The following CCDC192 variants were observed in gnomAD, a reference collection of about 807,000 sequenced individuals.
CCDC192 encodes coiled-coil domain containing 192.
chr5:127,845,695 A>G (rs928767283), intron 5 of CCDC192, among the ~76,000 whole-genome samples: 1 of 152,236 alleles, frequency 6.6e-6, no homozygotes, highest in Admixed American at 6.5e-5. Context: ...CCTTGGGTTT[A>G]AATAGATGAT....
At chr5:127,850,309 A>G (rs1750739748) in intron 5 of CCDC192, among the ~76,000 whole-genome samples, 1 of 152,218 alleles carries the variant, frequency 6.6e-6, no homozygotes, top group Non-Finnish European at 1.5e-5. Context: ...CCCCCAGAGA[A>G]AGAGTAATTT....
At chr5:127,888,386 A>C (rs1313555616) in intron 6 of CCDC192, among the ~76,000 whole-genome samples, 1 of 152,116 alleles carries the variant, frequency 6.6e-6, no homozygotes. Context: ...ACTGCACTCC[A>C]GCCTTGACAA....
chr5:127,735,765 T>G (rs1304268116), intron 2 of CCDC192, among the ~76,000 whole-genome samples: 8 of 132,072 alleles, frequency 6.1e-5, no homozygotes, highest in African/African-American at 2.3e-4. Context: ...TTGTGATTTT[T>G]GTACATTGAT....
At position 127,815,538 on chromosome 5, in the gene CCDC192, C is replaced by T. The variant is rs1580702507; in HGVS notation, c.411+17376C>T. Reference sequence around the variant, plus strand: ...ACAGAAACAATCTTCTCTAAGCCTTCCAGATTGCCCACAGGAGTCTAAGGA... The same window carrying T: ...ACAGAAACAATCTTCTCTAAGCCTTTCAGATTGCCCACAGGAGTCTAAGGA... On this transcript the variant is annotated intron_variant, in intron 5 of 6. Transcript: ENST00000514853. 2.0e-5 allele frequency among the ~76,000 whole-genome samples: 3 copies of T among 152,192 alleles called. No individual in the cohort carries two copies. In the South Asian group the frequency reaches 6.2e-4, roughly 32 times the overall value.
intron 6 of CCDC192, among the ~76,000 whole-genome samples, chr5:127,888,029 A>G (rs1187489751): frequency 6.6e-6 from 1 of 152,068 alleles, no homozygotes; most frequent in African/African-American, 2.4e-5. Flanking sequence ...AAAGATTAAC[A>G]AGCTTTCAAC....
At chr5:127,930,656 T>C (rs1344623528) in intron 6 of CCDC192, among the ~76,000 whole-genome samples, 2 of 152,226 alleles carry the variant, frequency 1.3e-5, no homozygotes, top group African/African-American at 4.8e-5. Flanking sequence ...ACCCCTTCTG[T>C]AAAATATTCT....
At chr5:127,858,130 A>G (rs1341849545) in intron 5 of CCDC192, among the ~76,000 whole-genome samples, 1 of 152,220 alleles carries the variant, frequency 6.6e-6, no homozygotes, top group Admixed American at 6.5e-5. Context: ...AGCCCACAGC[A>G]TGCACTAAAT....
chr5:127,885,168 G>T (rs992439279), intron 6 of CCDC192, among the ~76,000 whole-genome samples: 4 of 152,110 alleles, frequency 2.6e-5, no homozygotes, highest in African/African-American at 9.7e-5. Context: ...TGGATGAAGG[G>T]CAAGCACCAG....
At chr5:127,746,970 C>T (rs1302718745) in intron 2 of CCDC192, among the ~76,000 whole-genome samples, 5 of 151,810 alleles carry the variant, frequency 3.3e-5, no homozygotes, top group Non-Finnish European at 7.4e-5. Flanking sequence ...ATTGTATCAT[C>T]AGGAAATGCA....
intron 2 of CCDC192, among the ~76,000 whole-genome samples, chr5:127,750,854 T>G: frequency 6.6e-6 from 1 of 151,736 alleles, no homozygotes; most frequent in African/African-American, 2.4e-5. Flanking sequence ...AATTCATCCC[T>G]TTACCATTAT....
intron 3 of CCDC192, among the ~76,000 whole-genome samples, chr5:127,760,693 T>C (rs1448361863): frequency 1.5e-5 from 2 of 130,996 alleles, no homozygotes; most frequent in East Asian, 2.3e-4. Context: ...CAGAGCGAGA[T>C]TCTGTCTCAA....
At chr5:127,762,835 T>A (rs991288641) in intron 3 of CCDC192, among the ~76,000 whole-genome samples, 3 of 152,344 alleles carry the variant, frequency 2.0e-5, no homozygotes, top group Non-Finnish European at 4.4e-5. Context: ...GAACTTTCCC[T>A]TTGCTTATTG....
At chr5:127,925,388 A>G (rs1474423881) in intron 6 of CCDC192, among the ~76,000 whole-genome samples, 2 of 152,326 alleles carry the variant, frequency 1.3e-5, no homozygotes, top group Non-Finnish European at 1.5e-5. Context: ...TCAAGCTGAT[A>G]AAATTGGAAT....
intron 5 of CCDC192, among the ~76,000 whole-genome samples, chr5:127,826,975 G>C (rs935314525): frequency 6.6e-6 from 1 of 152,094 alleles, no homozygotes; most frequent in African/African-American, 2.4e-5. Flanking sequence ...CTTTTCTCCA[G>C]ATATTTTGAA....
chr5:127,738,257 C>T (rs960954223), intron 2 of CCDC192, among the ~76,000 whole-genome samples: 10 of 145,734 alleles, frequency 6.9e-5, no homozygotes, highest in African/African-American at 2.6e-4. Context: ...TGAATATTGG[C>T]CCCCACTCTC....
chr5:127,816,788 G>C (rs1203199944), intron 5 of CCDC192, among the ~76,000 whole-genome samples: 2 of 152,136 alleles, frequency 1.3e-5, no homozygotes, highest in Non-Finnish European at 2.9e-5. Context: ...CTCAAGGTGG[G>C]GAAATAACCA....
At chr5:127,928,247 G>A (rs1753919715) in intron 6 of CCDC192, among the ~76,000 whole-genome samples, 1 of 152,194 alleles carries the variant, frequency 6.6e-6, no homozygotes, top group Non-Finnish European at 1.5e-5. Flanking sequence ...CTTATAGATG[G>A]AGGTCAAAAG....
chr5:127,773,431 C>T (rs1755676029), intron 3 of CCDC192, among the ~76,000 whole-genome samples: 1 of 152,152 alleles, frequency 6.6e-6, no homozygotes, highest in South Asian at 2.1e-4. Flanking sequence ...GTAATTACTC[C>T]TCATATCCTC....
At chr5:127,933,621 T>C (rs1474671606) in intron 6 of CCDC192, among the ~76,000 whole-genome samples, 1 of 152,182 alleles carries the variant, frequency 6.6e-6, no homozygotes, top group Non-Finnish European at 1.5e-5. Flanking sequence ...AGAAGTGTCT[T>C]CATCAGCCAG....
Sources: gnomAD v4.1 joint callset for allele counts (sites outside exome capture counted in the v4.1 genomes callset) on GRCh38, gnomAD v4.1.1 for gene constraint, MANE v1.5 for transcripts, NCBI Gene and HGNC (gene_info 2026-07-23, HGNC 2026-07-21) for gene names.